The following FLNA variants were observed in gnomAD, a reference collection of about 807,000 sequenced individuals.
The protein encoded by FLNA is filamin A, also known as filamin-A.
FLNA carries 7 observed loss-of-function variants against 157.6 expected under a neutral mutation model. The observed-to-expected ratio is 0.04, with a 90% CI of 0.03 to 0.08. The LOEUF (loss-of-function observed/expected upper bound fraction) is 0.08. FLNA is among the 10% of genes least tolerant of loss of function. The pLI is 1.00. For missense variants in FLNA, 1,750 were observed against 2,398.4 expected (o/e 0.73, Z 5.65); for synonymous variants, 1,103 against 1,060.8 (o/e 1.04, Z -0.77).
rs782323667 is a variant in FLNA at position 154,354,341 on chromosome X, C to T, written c.5416+40G>A. ...AGGGCAGCTCATTGGCACAGTCTGGCCTCCTTGGCTCCCGAGCTCCTTCCC... is the reference window on the plus strand; with the variant it reads ...AGGGCAGCTCATTGGCACAGTCTGGTCTCCTTGGCTCCCGAGCTCCTTCCC... On this transcript the variant is annotated intron_variant, in intron 33 of 47. Coordinates refer to ENST00000369850, the MANE Select transcript of FLNA (RefSeq NM_001110556.2). The T allele has an allele frequency of 5.1e-5, 62 of 1,210,308 alleles. No homozygotes were observed. In the South Asian group the frequency reaches 1.0e-3, roughly 20 times the overall value.
Position 154,360,335 on chromosome X carries a change from C to T in FLNA, c.3460G>A (p.Val1154Met), listed in dbSNP as rs1557177750. 2 of 1,211,783 alleles carry T rather than the reference C, an allele frequency of 1.7e-6. No homozygotes were observed. The highest frequency in any genetic ancestry group is 1.8e-5 in the South Asian group (1 of 57,059). ...HIPGSPFKAH[V>M]VPCFDASKVK... Reference sequence around the variant, plus strand: ...TTGGATGCGTCAAAGCAGGGAACCACGTGGGCCTTGAATGGGGAGCCAGGG... The same window carrying T: ...TTGGATGCGTCAAAGCAGGGAACCATGTGGGCCTTGAATGGGGAGCCAGGG... The change falls in exon 22 of 48, where the codon GTG becomes ATG. Residue 1154 changes from valine (V) to methionine (M), a missense_variant. Physicochemically the swap from Val to Met is conservative, Grantham distance 21. Transcript: ENST00000369850.
chrX:154,371,490 G>C lies in FLNA; in HGVS notation c.-116-129C>G, dbSNP rs1034806724. 1,545 of 400,169 alleles carry C rather than the reference G, an allele frequency of 3.9e-3. 3 individuals are homozygous for C. The highest frequency in any genetic ancestry group is 5.9e-3 in the Non-Finnish European group (1,377 of 231,972). 33.0% of individuals were successfully genotyped at this position (400,169 alleles called of 1,213,427 possible). A position where few individuals can be genotyped will look rare whatever the true frequency, so the allele number is the denominator to read the frequency against. On this transcript the variant is annotated intron_variant, in intron 1 of 47. Coordinates refer to ENST00000369850, the MANE Select transcript of FLNA (RefSeq NM_001110556.2). ...CCCACCCCGCCCCGCCCGTTGGAAT[G>C]CCCCCACTAGGCCCCCGGGTTCGGC...
rs377046577 is a variant in FLNA, at chrX:154,362,269, C to T, written c.2629G>A (p.Ala877Thr). The change falls in exon 18 of 48, where the codon GCC becomes ACC. Residue 877 changes from alanine (A) to threonine (T), a missense_variant. Ala to Thr is a moderately conservative substitution (Grantham distance 58, BLOSUM62 0). Around this residue, in one of 5 missense-constraint regions of FLNA, gnomAD observed 648 missense variants for 805.8 expected, o/e 0.80. Coordinates refer to ENST00000369850, the MANE Select transcript of FLNA (RefSeq NM_001110556.2). ...EPSHDASKVK[A>T]EGPGLSRTGV... Reference sequence around the variant, plus strand: ...GTGCGACTGAGGCCAGGGCCCTCGGCCTTCACCTTACTGGCGTCATGAGAG... The same window carrying T: ...GTGCGACTGAGGCCAGGGCCCTCGGTCTTCACCTTACTGGCGTCATGAGAG... The T allele has an allele frequency of 5.8e-6, 7 of 1,209,855 alleles. No homozygotes were observed. In the African/African-American group the frequency reaches 1.2e-4, roughly 21 times the overall value.
At chrX:154,350,333 C>G in intron 44 of FLNA, 126 bp from the exon 45 acceptor site, 3 of 601,934 alleles carry the variant, frequency 5.0e-6, no homozygotes, top group South Asian at 2.5e-5. Context: ...AGCCCAGCCA[C>G]GCTGGGCACC....
chrX:154,367,942 G>T lies in FLNA; in HGVS notation c.522C>A (p.Gly174=). The T allele has an allele frequency of 8.3e-7, 1 of 1,211,329 alleles. No individual in the cohort carries two copies. The highest frequency in any genetic ancestry group is 1.1e-6 in the Non-Finnish European group (1 of 895,472). ...GCTGCGGCAGCTTGTTCTGGATCCA[G>T]CCCAGGAGCCTCTGCTTGGGGGTCT... The part of the protein sequence containing the change: ...KKQTPKQRLL[G]WIQNKLPQLP... The change falls in exon 3 of 48, where the codon GGC becomes GGA. Residue 174 remains glycine (G), a synonymous_variant. Coordinates refer to ENST00000369850, the MANE Select transcript of FLNA (RefSeq NM_001110556.2).
chrX:154,367,826 C>T lies in FLNA; in HGVS notation c.622+16G>A, dbSNP rs782048382. ...GTGACCCCAGCCCAGTCTCTCCTGC[C>T]TCTGCGCCCCCTCACCCGGGGCACA... On this transcript the variant is annotated intron_variant, in intron 3 of 47. Transcript: ENST00000369850. 26 of 1,209,039 alleles carry T rather than the reference C, an allele frequency of 2.2e-5. No homozygotes were observed. Among genetic ancestry groups the T allele is most frequent in the African/African-American group, 5.2e-5 (3 of 57,229 alleles).
rs782511388 is a variant in FLNA, at chrX:154,368,113, G to A, written c.374-23C>T. ...TGTCTGTGAGTAGAAGAGTGGCCACGCTGGGCACACGGCTGTGCGGGAGGG... is the reference window on the plus strand; with the variant it reads ...TGTCTGTGAGTAGAAGAGTGGCCACACTGGGCACACGGCTGTGCGGGAGGG... On this transcript the variant is annotated intron_variant, in intron 2 of 47. Transcript: ENST00000369850. 18 of 1,208,423 alleles carry A rather than the reference G, an allele frequency of 1.5e-5. No homozygotes were observed. The Admixed American group carries it at 2.8e-4, about 19-fold the overall frequency.
rs743546 is a variant in FLNA, at chrX:154,365,206, C to G, written c.1621G>C (p.Glu541Gln). 9 of 1,211,399 alleles carry G rather than the reference C, an allele frequency of 7.4e-6. No homozygotes were observed. Among genetic ancestry groups the G allele is most frequent in the Admixed American group, 2.2e-5 (1 of 46,124 alleles). The change falls in exon 11 of 48, where the codon GAG (glutamate) becomes CAG (glutamine). Residue 541 changes from glutamate to glutamine, a missense_variant. Glu to Gln is a conservative substitution (Grantham distance 29, BLOSUM62 2). Transcript: ENST00000369850. ...KDLGDGVYGF[E>Q]YYPMVPGTYI... ...GTTCCAGGGACCATGGGGTAATACT[C>G]GAAGCCATACACGCCATCCCCCAGG...
rs1382817700 is a variant in FLNA, at chrX:154,355,009, G to A, written c.5033C>T (p.Ala1678Val). 2 of 1,211,447 alleles carry A rather than the reference G, an allele frequency of 1.7e-6. No homozygotes were observed. Among genetic ancestry groups the A allele is most frequent in the Admixed American group, 2.2e-5 (1 of 46,176 alleles). ...GCACGTCACTTTGCCTTTGCCTGCC[G>A]CCTTAGTGTCCACAGTGATCACCGT... is the stretch of plus-strand genomic sequence containing the variant. ...EETVITVDTK[A>V]AGKGKVTCTV... Residue 1678 changes from alanine (A) to valine (V), a missense_variant, in exon 31 of 48, where the codon GCG (alanine) becomes GTG (valine). Around this residue, in one of 5 missense-constraint regions of FLNA, gnomAD observed 970 missense variants for 1,302.6 expected, o/e 0.74. Coordinates refer to ENST00000369850, the MANE Select transcript of FLNA (RefSeq NM_001110556.2).
chrX:154,363,294 C>T (rs782703405), intron 15 of FLNA, among the ~76,000 whole-genome samples: 91 of 111,296 alleles, frequency 8.2e-4, no homozygotes, highest in Middle Eastern at 4.6e-3. Context: ...CGTATGCCTG[C>T]AATCCCAGCT....
At chrX:154,370,360 C>T (rs1409627016) in intron 2 of FLNA, among the ~76,000 whole-genome samples, 2 of 111,982 alleles carry the variant, frequency 1.8e-5, no homozygotes, top group Non-Finnish European at 3.8e-5. Flanking sequence ...GTGGTTGGAG[C>T]CATCTCCGAT....
Position 154,359,841 on chromosome X carries a change from C to G in FLNA, c.3870G>C (p.Gly1290=), listed in dbSNP as rs371719409. 2.0e-5 allele frequency: 24 copies of G among 1,210,839 alleles called. No individual in the cohort carries two copies. The highest frequency in any genetic ancestry group is 2.7e-5 in the Non-Finnish European group (24 of 895,239). The change falls in exon 23 of 48, where the codon GGG becomes GGC. Residue 1290 remains glycine, a synonymous_variant. Coordinates refer to ENST00000369850, the MANE Select transcript of FLNA (RefSeq NM_001110556.2). ...VDARALTQTG[G]PHVKARVANP... is the part of the protein sequence containing the mutation. ...TGGCCACACGGGCCTTGACGTGCGG[C>G]CCTCCGGTCTGTGTCAGAGCCCGGG... is the stretch of plus-strand genomic sequence containing the variant.
At chrX:154,352,479 G>A in intron 40 of FLNA, 32 bp from the exon 41 acceptor site, 8 of 1,211,592 alleles carry the variant, frequency 6.6e-6, no homozygotes, top group Non-Finnish European at 8.9e-6. Flanking sequence ...GTGAGCAGCA[G>A]CCCTGGGCTC....
At chrX:154,364,790 C>G (rs373619759) in intron 12 of FLNA, 31 bp downstream of exon 12, 40 of 1,208,594 alleles carry the variant, frequency 3.3e-5, no homozygotes, top group Non-Finnish European at 3.8e-5. Context: ...TCGTCTGTCC[C>G]CAGGTGCCCA....
chrX:154,356,788 C>T (rs1265080635), intron 30 of FLNA, among the ~76,000 whole-genome samples: 1 of 112,687 alleles, frequency 8.9e-6, no homozygotes. Context: ...CCCGCTCATG[C>T]ACCTCCCCCG....
rs782255283 is a variant in FLNA, at chrX:154,352,862, G to T, written c.6289C>A (p.Leu2097Met). 6 of 1,210,414 alleles carry T rather than the reference G, an allele frequency of 5.0e-6. No individual in the cohort carries two copies. The highest frequency in any genetic ancestry group is 6.7e-6 in the Non-Finnish European group (6 of 895,096). The change falls in exon 39 of 48, where the codon CTG (leucine) becomes ATG (methionine). Residue 2097 changes from leucine to methionine, a missense_variant. By Grantham distance (15) the Leu-to-Met change is conservative. Coordinates refer to ENST00000369850, the MANE Select transcript of FLNA (RefSeq NM_001110556.2). ...PSKVDINTED[L>M]EDGTCRVTYC... is the part of the protein sequence containing the mutation. ...GTGACCCTGCACGTCCCGTCCTCCA[G>T]GTCCTCTGTGTTGATGTCCACCTTG...
rs1439205409 is a variant in FLNA, at chrX:154,349,410, C to T, written c.7708G>A (p.Ala2570Thr). The T allele has an allele frequency of 8.3e-7, 1 of 1,212,084 alleles. No homozygotes were observed. The highest frequency in any genetic ancestry group is 1.1e-6 in the Non-Finnish European group (1 of 895,586). The change falls in exon 47 of 48, where the codon GCC becomes ACC. Residue 2570 changes from alanine to threonine, a missense_variant. By Grantham distance (58) the Ala-to-Thr change is moderately conservative (BLOSUM62 0). This residue lies in a region of FLNA where 970 missense variants were observed against 1,302.6 expected (regional missense o/e 0.74). Coordinates refer to ENST00000369850, the MANE Select transcript of FLNA (RefSeq NM_001110556.2). ...AAGCTGCTCTTCTGGCCTACGTAGG[C>T]CTTGCTCAGCCCCAGGCCCTTGGCC... ...VVAKGLGLSK[A>T]YVGQKSSFTV... is the part of the protein sequence containing the mutation.
chrX:154,349,636 G>A lies in FLNA; in HGVS notation c.7552+13C>T. 8.3e-7 allele frequency: 1 copy of A among 1,211,380 alleles called. No individual in the cohort carries two copies. Among genetic ancestry groups the A allele is most frequent in the Non-Finnish European group, 1.1e-6 (1 of 894,763 alleles). On this transcript the variant is annotated intron_variant, in intron 46 of 47. Transcript: ENST00000369850. The stretch of plus-strand genomic sequence containing the variant: ...GCGTTGGGCAGATGCCAATAGCTTG[G>A]CCCCAGGCTCACCTGTGACTTTGGC...
intron 2 of FLNA, among the ~76,000 whole-genome samples, chrX:154,369,483 C>G (rs1557179937): frequency 8.9e-6 from 1 of 112,268 alleles, no homozygotes; most frequent in East Asian, 2.8e-4. Flanking sequence ...GGGAGACTGT[C>G]TGGCTGGATG....
Sources: gnomAD v4.1 joint callset for allele counts (sites outside exome capture counted in the v4.1 genomes callset) on GRCh38, gnomAD v4.1.1 for gene constraint, gnomAD v4.1.1 regional missense constraint, MANE v1.5 for transcripts, NCBI Gene and HGNC (gene_info 2026-07-23, HGNC 2026-07-21) for gene names.